Variants in NPAS2 observed in about 807,000 individuals in gnomAD.
NPAS2 encodes neuronal PAS domain-containing protein 2.
In NPAS2, 23 loss-of-function variants were observed where a neutral mutation model predicts 107.5. The ratio of observed to expected loss-of-function variants is 0.21; its 90% CI spans 0.15 to 0.30. The LOEUF (loss-of-function observed/expected upper bound fraction) is 0.30, where lower values mean the gene tolerates loss of function less well. NPAS2 is among the 10% of genes least tolerant of loss of function. NPAS2 has a pLI of 1.00. For synonymous variants in NPAS2, 403 were observed against 417.5 expected, an observed-to-expected ratio of 0.97 and a Z score of 0.42; for missense variants, 756 against 1,043.3, an observed-to-expected ratio of 0.72 and a Z score of 3.79.
chr2:100,822,160 C>T (rs1182967606), intron 1 of NPAS2, among the ~76,000 whole-genome samples: 2 of 152,096 alleles, frequency 1.3e-5, no homozygotes, highest in African/African-American at 2.4e-5. Context: ...CAGAGGGGCT[C>T]CTGTGGAGGT....
At chr2:100,901,667 T>A in intron 1 of NPAS2, 1 of 421,906 alleles carries the variant, frequency 2.4e-6, no homozygotes, top group Non-Finnish European at 3.2e-6. Flanking sequence ...GAAGGCCGCC[T>A]CCTATGGGAC....
At chr2:100,963,945 C>A (rs1676063104) in intron 7 of NPAS2, 113 bp from the exon 8 acceptor site, 7 of 675,086 alleles carry the variant, frequency 1.0e-5, no homozygotes, top group Non-Finnish European at 1.9e-5. Context: ...AGTTAATATA[C>A]TCTACATAAA....
intron 9 of NPAS2, 48 bp downstream of exon 9, chr2:100,964,991 G>A: frequency 8.0e-7 from 1 of 1,248,304 alleles, no homozygotes; most frequent in Non-Finnish European, 1.1e-6. Context: ...CTCAAGTCTT[G>A]TTTGCGTGAG....
chr2:100,851,517 A>G (rs1678173748), intron 1 of NPAS2, among the ~76,000 whole-genome samples: 1 of 152,240 alleles, frequency 6.6e-6, no homozygotes, highest in South Asian at 2.1e-4. Context: ...TTTACTAACC[A>G]GCGTTGTTCA....
intron 1 of NPAS2, among the ~76,000 whole-genome samples, chr2:100,885,999 T>C (rs1252462849): frequency 6.6e-6 from 1 of 152,270 alleles, no homozygotes; most frequent in Non-Finnish European, 1.5e-5. Flanking sequence ...TTCAATTTTG[T>C]TAAATTTGGC....
rs149854597 is a variant in NPAS2 at position 100,834,705 on chromosome 2, T to A, written c.-23+14291T>A. Among the ~76,000 whole-genome samples the A allele has an allele frequency of 3.4e-3, 511 of 152,088 alleles. 34 individuals are homozygous for A. The South Asian group carries it at 0.1, about 30-fold the overall frequency. On this transcript the variant is annotated intron_variant, in intron 1 of 20. Transcript: ENST00000335681. ...TTTTTCTTTTCTTTTCTTTTCTTTT[T>A]TTTTGAGATGGAGTCTCACTCTGTT...
chr2:100,964,033 T>G, intron 7 of NPAS2, 25 bp from the exon 8 acceptor site: 2 of 1,483,564 alleles, frequency 1.3e-6, no homozygotes, highest in Non-Finnish European at 1.9e-6. Flanking sequence ...CTAACCTATG[T>G]GTCCTCTTCT....
chr2:100,831,717 G>A (rs1045128273), intron 1 of NPAS2, among the ~76,000 whole-genome samples: 7 of 152,008 alleles, frequency 4.6e-5, no homozygotes, highest in Admixed American at 2.0e-4. Flanking sequence ...ATTTTTTAGA[G>A]GTTTTATGAT....
At chr2:100,859,593 G>A (rs970640037) in intron 1 of NPAS2, among the ~76,000 whole-genome samples, 1 of 152,200 alleles carries the variant, frequency 6.6e-6, no homozygotes, top group East Asian at 1.9e-4. Context: ...AGGAACCAGT[G>A]ACGCCAGGGG....
intron 2 of NPAS2, among the ~76,000 whole-genome samples, chr2:100,919,274 A>T (rs887957018): frequency 6.6e-6 from 1 of 152,212 alleles, no homozygotes; most frequent in Admixed American, 6.5e-5. Context: ...TCTCGTCTTG[A>T]TGGTGATGAC....
intron 7 of NPAS2, 55 bp from the exon 8 acceptor site, chr2:100,964,003 G>T (rs1390781104): frequency 1.8e-6 from 2 of 1,120,346 alleles, no homozygotes; most frequent in Non-Finnish European, 2.7e-6. Flanking sequence ...CTAGGGATTG[G>T]CTGCTGTCAC....
At chr2:100,946,690 A>T (rs1217526214) in intron 5 of NPAS2, among the ~76,000 whole-genome samples, 5 of 152,208 alleles carry the variant, frequency 3.3e-5, no homozygotes, top group Admixed American at 6.5e-5. Context: ...CTGATGGAGA[A>T]CAAATTGCAC....
intron 1 of NPAS2, chr2:100,901,447 G>A (rs868678774): frequency 3.6e-6 from 3 of 843,896 alleles, no homozygotes; most frequent in South Asian, 1.1e-4. Flanking sequence ...AGACTCCGGA[G>A]AGTTTGTGTT....
intron 5 of NPAS2, among the ~76,000 whole-genome samples, chr2:100,939,989 C>T (rs749931425): frequency 1.4e-4 from 22 of 152,214 alleles, no homozygotes; most frequent in Non-Finnish European, 2.9e-4. Context: ...TGAGTCAGCC[C>T]TCAACTCCCT....
chr2:100,868,623 G>C (rs1419653265), intron 1 of NPAS2, among the ~76,000 whole-genome samples: 17 of 152,120 alleles, frequency 1.1e-4, no homozygotes. Flanking sequence ...GCATGTGTTA[G>C]GTCACTGTCT....
chr2:100,974,897 C>T lies in NPAS2; in HGVS notation c.1235C>T (p.Ser412Leu). 6.2e-7 allele frequency: 1 copy of T among 1,614,046 alleles called. No individual in the cohort carries two copies. Among genetic ancestry groups the T allele is most frequent in the Non-Finnish European group, 8.5e-7 (1 of 1,179,948 alleles). ...ACCAGTCATTCGCCATCGGCGTCCTCAAGAAGTTCCCACAAATCCTCGCAC... is the reference window on the plus strand; with the variant it reads ...ACCAGTCATTCGCCATCGGCGTCCTTAAGAAGTTCCCACAAATCCTCGCAC... ...LNTSHSPSAS[S>L]RSSHKSSHTA... The change falls in exon 13 of 21, where the codon TCA becomes TTA. Residue 412 changes from serine (S) to leucine (L), a missense_variant. By Grantham distance (145) the Ser-to-Leu change is moderately radical. Coordinates refer to ENST00000335681, the MANE Select transcript of NPAS2 (RefSeq NM_002518.4).
intron 1 of NPAS2, among the ~76,000 whole-genome samples, chr2:100,843,217 C>CAA (rs67274513): frequency 0.24 from 33,443 of 141,254 alleles, 4,376 homozygotes; most frequent in Non-Finnish European, 0.3. Context: ...GACTCTGTCT[C>CAA]AAAAAAAAAA....
chr2:100,829,959 G>A (rs1676625096), intron 1 of NPAS2, among the ~76,000 whole-genome samples: 2 of 152,018 alleles, frequency 1.3e-5, no homozygotes, highest in African/African-American at 4.8e-5. Context: ...TCCTCCAATA[G>A]GAAAGGAAAA....
At chr2:100,972,448 G>A (rs1177289868) in intron 12 of NPAS2, among the ~76,000 whole-genome samples, 2 of 152,222 alleles carry the variant, frequency 1.3e-5, no homozygotes, top group Admixed American at 6.5e-5. Context: ...TTGGGCCAGA[G>A]GCTGGTGCCA....
Sources: gnomAD v4.1 joint callset for allele counts (sites outside exome capture counted in the v4.1 genomes callset) on GRCh38, gnomAD v4.1.1 for gene constraint, MANE v1.5 for transcripts, NCBI Gene and HGNC (gene_info 2026-07-23, HGNC 2026-07-21) for gene names.